The following MINPP1 variants were observed in gnomAD, a reference collection of about 807,000 sequenced individuals.
MINPP1 encodes the protein multiple inositol-polyphosphate phosphatase 1, also known as multiple inositol polyphosphate phosphatase 1.
In MINPP1, 28 loss-of-function variants were observed where a neutral mutation model predicts 46.1. The observed-to-expected ratio is 0.61, with a 90% CI of 0.45 to 0.83. The LOEUF (loss-of-function observed/expected upper bound fraction) is 0.83. MINPP1 is among the 40% of genes least tolerant of loss of function. The pLI is 0.00. For synonymous variants in MINPP1, 268 were observed against 249.1 expected (o/e 1.08, Z -0.72); for missense variants, 603 against 610.0 (o/e 0.99, Z 0.12).
At chr10:87,506,912 G>GT (rs889038883) in intron 1 of MINPP1, among the ~76,000 whole-genome samples, 20 of 151,620 alleles carry the variant, frequency 1.3e-4, no homozygotes, top group South Asian at 4.2e-4. Flanking sequence ...GTTGAACTGT[G>GT]TTTTTTTTTA....
intron 4 of MINPP1, among the ~76,000 whole-genome samples, chr10:87,543,867 C>T (rs1851851417): frequency 2.0e-5 from 3 of 152,188 alleles, no homozygotes; most frequent in Non-Finnish European, 4.4e-5. Flanking sequence ...TTCAGTACCT[C>T]CCACTAGGTC....
Position 87,508,408 on chromosome 10 carries a change from C to T in MINPP1, c.710C>T (p.Thr237Ile), listed in dbSNP as rs1271171370. 5.6e-6 allele frequency: 9 copies of T among 1,613,068 alleles called. No individual in the cohort carries two copies. Among genetic ancestry groups the T allele is most frequent in the Middle Eastern group, 1.6e-4 (1 of 6,074 alleles). Residue 237 changes from threonine to isoleucine, a missense_variant, in exon 2 of 5, where the codon ACT becomes ATT. Around this residue, in one of 3 missense-constraint regions of MINPP1, gnomAD observed 344 missense variants for 381.1 expected, o/e 0.90. Transcript: ENST00000371996. ...RFFDHCEKFL[T>I]EVEKNATALY... is the part of the protein sequence containing the mutation. ...TTTGATCACTGTGAGAAGTTTTTAA[C>T]TGAAGTAGAAAAAAATGCTACAGCT... is the stretch of plus-strand genomic sequence containing the variant.
chr10:87,505,691 A>C lies in MINPP1; in HGVS notation c.637+139A>C. On this transcript the variant is annotated intron_variant, in intron 1 of 4. Coordinates refer to ENST00000371996, the MANE Select transcript of MINPP1 (RefSeq NM_004897.5). The surrounding 1 kb of genome is among the most constrained non-coding windows in gnomAD (Gnocchi z 4.4). ...TTCCCAAGCCATCATCCCTCGGGCT[A>C]CGTCCTCCCTGTCGAGGGATATTAC... 1.3e-6 allele frequency: 1 copy of C among 766,226 alleles called. No homozygotes were observed. Among genetic ancestry groups the C allele is most frequent in the South Asian group, 1.8e-5 (1 of 55,912 alleles). 47.5% of individuals were successfully genotyped at this position (766,226 alleles called of 1,614,324 possible).
chr10:87,532,674 T>C (rs2131827868), intron 4 of MINPP1, among the ~76,000 whole-genome samples: 1 of 152,374 alleles, frequency 6.6e-6, no homozygotes, highest in South Asian at 2.1e-4. Context: ...TAAAGTACGG[T>C]TTGAGACTTC....
chr10:87,521,213 C>CTG (rs1319170111), intron 4 of MINPP1, 44 bp downstream of exon 4: 1 of 1,546,758 alleles, frequency 6.5e-7, no homozygotes, highest in African/African-American at 1.4e-5. Context: ...TGAGTTACTA[C>CTG]TAAACTTCTG....
intron 4 of MINPP1, among the ~76,000 whole-genome samples, chr10:87,546,973 TG>T (rs1197465882): frequency 1.3e-5 from 2 of 152,148 alleles, no homozygotes; most frequent in African/African-American, 4.8e-5. Context: ...AAAAAAATTT[TG>T]TGGGATTTTA....
chr10:87,540,814 G>A (rs1449586354), intron 4 of MINPP1, among the ~76,000 whole-genome samples: 2 of 152,202 alleles, frequency 1.3e-5, no homozygotes, highest in Admixed American at 6.5e-5. Flanking sequence ...AGGGCAAAGA[G>A]CAGCATGTTC....
rs1408181487 is a variant in MINPP1, at chr10:87,508,426, C to T, written c.728C>T (p.Ala243Val). The stretch of plus-strand genomic sequence containing the variant: ...TTTTTAACTGAAGTAGAAAAAAATG[C>T]TACAGCTCTTTATCACGTGGAAGCC... ...EKFLTEVEKN[A>V]TALYHVEAFK... Residue 243 changes from alanine (A) to valine (V), a missense_variant, in exon 2 of 5, where the codon GCT (alanine) becomes GTT (valine). This residue lies in a region of MINPP1 where 344 missense variants were observed against 381.1 expected (regional missense o/e 0.90). Transcript: ENST00000371996. 2 of 1,613,560 alleles carry T rather than the reference C, an allele frequency of 1.2e-6. No homozygotes were observed. The highest frequency in any genetic ancestry group is 1.1e-5 in the South Asian group (1 of 91,020).
chr10:87,541,759 G>A (rs938798189), intron 4 of MINPP1, among the ~76,000 whole-genome samples: 3 of 152,182 alleles, frequency 2.0e-5, no homozygotes, highest in Non-Finnish European at 2.9e-5. Flanking sequence ...GAGCGAAAGC[G>A]AGAGAAGGAA....
In MINPP1 at chr10:87,528,217, G is replaced by C. The variant is rs576548106; in HGVS notation, c.1067+7048G>C. On this transcript the variant is annotated intron_variant, in intron 4 of 4. Coordinates refer to ENST00000371996, the MANE Select transcript of MINPP1 (RefSeq NM_004897.5). ...TTGTGTCTCTATCTCCTTCAGTTCTGCTCTGATCTTAGCTATATCTTGCCT... is the reference window on the plus strand; with the variant it reads ...TTGTGTCTCTATCTCCTTCAGTTCTCCTCTGATCTTAGCTATATCTTGCCT... Among the ~76,000 whole-genome samples, 609 of 152,074 alleles carry C rather than the reference G, an allele frequency of 4.0e-3. 2 individuals carry two copies. In the Middle Eastern group the frequency reaches 0.041, roughly 10 times the overall value.
intron 4 of MINPP1, among the ~76,000 whole-genome samples, chr10:87,530,523 C>T (rs979248756): frequency 1.7e-5 from 2 of 117,840 alleles, no homozygotes; most frequent in African/African-American, 5.3e-5. Context: ...GGCTGCAGAA[C>T]AGCAAATATT....
chr10:87,513,892 G>A (rs776266805), intron 3 of MINPP1, among the ~76,000 whole-genome samples: 2 of 152,016 alleles, frequency 1.3e-5, no homozygotes, highest in African/African-American at 2.4e-5. Flanking sequence ...CAATAGAGCC[G>A]TATTCTTTCA....
In MINPP1 at chr10:87,539,912, C is replaced by G. The variant is rs560704853; in HGVS notation, c.1068-12170C>G. 4.6e-5 allele frequency among the ~76,000 whole-genome samples: 7 copies of G among 152,196 alleles called. No individual in the cohort carries two copies. The South Asian group carries it at 1.5e-3, about 32-fold the overall frequency. On this transcript the variant is annotated intron_variant, in intron 4 of 4. Coordinates refer to ENST00000371996, the MANE Select transcript of MINPP1 (RefSeq NM_004897.5). ...TTGAGACAAGGTCTTACTCTGACAC[C>G]CTGGAGTGCAGTGGCGTAATCATGG...
At chr10:87,535,456 A>G (rs1851720483) in intron 4 of MINPP1, among the ~76,000 whole-genome samples, 1 of 152,230 alleles carries the variant, frequency 6.6e-6, no homozygotes, top group African/African-American at 2.4e-5. Flanking sequence ...GCTAGAGAAG[A>G]ATAAGGAAGA....
Position 87,505,047 on chromosome 10 carries a change from C to A in MINPP1, c.132C>A (p.Ser44Arg), listed in dbSNP as rs779605068. ...EPRDPVASSL[S>R]PYFGTKTRYE... The stretch of plus-strand genomic sequence containing the variant: ...GGGACCCGGTGGCCTCGTCGCTCAG[C>A]CCCTATTTCGGCACCAAGACTCGCT... The change falls in exon 1 of 5, where the codon AGC becomes AGA. Residue 44 changes from serine to arginine, a missense_variant. By Grantham distance (110) the Ser-to-Arg change is moderately radical. Transcript: ENST00000371996. The surrounding 1 kb of genome is among the most constrained non-coding windows in gnomAD (Gnocchi z 4.4). The A allele has an allele frequency of 5.0e-6, 8 of 1,613,362 alleles. No individual in the cohort carries two copies. The highest frequency in any genetic ancestry group is 5.1e-6 in the Non-Finnish European group (6 of 1,179,912).
intron 4 of MINPP1, among the ~76,000 whole-genome samples, chr10:87,551,419 A>G (rs1446453275): frequency 6.6e-6 from 1 of 152,110 alleles, no homozygotes; most frequent in Non-Finnish European, 1.5e-5. Context: ...TACCAGAAAA[A>G]AAAAATCATA....
At chr10:87,528,136 G>A (rs955078899) in intron 4 of MINPP1, among the ~76,000 whole-genome samples, 1 of 151,872 alleles carries the variant, frequency 6.6e-6, no homozygotes, top group Admixed American at 6.6e-5. Flanking sequence ...TATCAGTTTT[G>A]TTGATCTTTT....
At chr10:87,534,036 C>A (rs1851697254) in intron 4 of MINPP1, among the ~76,000 whole-genome samples, 1 of 142,034 alleles carries the variant, frequency 7.0e-6, no homozygotes, top group African/African-American at 2.6e-5. Flanking sequence ...AAGATACTGG[C>A]TAAATATTTT....
At chr10:87,539,577 T>G (rs540356040) in intron 4 of MINPP1, among the ~76,000 whole-genome samples, 1 of 152,356 alleles carries the variant, frequency 6.6e-6, no homozygotes, top group South Asian at 2.1e-4. Context: ...GTGGAATATA[T>G]ATGACTTTGG....
Sources: gnomAD v4.1 joint callset for allele counts (sites outside exome capture counted in the v4.1 genomes callset) on GRCh38, gnomAD v4.1.1 for gene constraint, gnomAD v4.1.1 regional missense constraint, Gnocchi (gnomAD v3.1) non-coding constraint, MANE v1.5 for transcripts, NCBI Gene and HGNC (gene_info 2026-07-23, HGNC 2026-07-21) for gene names.